The following CLTC variants were observed in gnomAD, a reference collection of about 807,000 sequenced individuals.
CLTC encodes the protein clathrin heavy chain, also known as clathrin heavy chain 1.
Under a neutral mutation model 195.8 loss-of-function variants are expected in CLTC, and 16 were observed. The observed-to-expected ratio is 0.08, with a 90% CI of 0.06 to 0.12. The LOEUF is 0.12. Among genes scored for constraint, CLTC ranks in the 10% least tolerant of loss-of-function variants. CLTC has a pLI of 1.00. For missense variants in CLTC, 796 were observed against 2,027.0 expected (o/e 0.39, Z 11.66); for synonymous variants, 667 against 689.4 (o/e 0.97, Z 0.51).
At chr17:59,670,676 T>A (rs1162790428) in intron 14 of CLTC, among the ~76,000 whole-genome samples, 3 of 152,206 alleles carry the variant, frequency 2.0e-5, no homozygotes, top group African/African-American at 7.2e-5. Flanking sequence ...TATATATATA[T>A]GGAAAGCAAA....
chr17:59,674,471 A>T (rs1176493323), intron 15 of CLTC, among the ~76,000 whole-genome samples: 1 of 151,948 alleles, frequency 6.6e-6, no homozygotes, highest in Non-Finnish European at 1.5e-5. Context: ...AGAATATAGT[A>T]TATGTGCTTT....
At chr17:59,653,437 C>T (rs1449816582) in intron 5 of CLTC, among the ~76,000 whole-genome samples, 1 of 152,000 alleles carries the variant, frequency 6.6e-6, no homozygotes, top group African/African-American at 2.4e-5. Context: ...TCGTGATCCA[C>T]CCACCTCGGC....
intron 1 of CLTC, among the ~76,000 whole-genome samples, chr17:59,627,636 G>A (rs1297721566): frequency 6.6e-6 from 1 of 151,994 alleles, no homozygotes; most frequent in Non-Finnish European, 1.5e-5. Context: ...GTAGGAGACA[G>A]CAAACTAACA....
intron 8 of CLTC, 98 bp downstream of exon 8, chr17:59,661,741 C>A: frequency 1.0e-6 from 1 of 968,284 alleles, no homozygotes; most frequent in Non-Finnish European, 1.6e-6. Flanking sequence ...GTCTCCATTA[C>A]TGCTGGTAGA....
In CLTC at chr17:59,693,943, G is replaced by A. The variant is rs1346734729; in HGVS notation, c.*91G>A. The A allele has an allele frequency of 2.2e-6, 3 of 1,336,570 alleles. No individual in the cohort carries two copies. The highest frequency in any genetic ancestry group is 2.7e-5 in the East Asian group (1 of 37,318). 82.8% of individuals were successfully genotyped at this position (1,336,570 alleles called of 1,614,324 possible). A position where few individuals can be genotyped will look rare whatever the true frequency, so the allele number is the denominator to read the frequency against. On this transcript the variant is annotated 3_prime_UTR_variant, in exon 32 of 32. Transcript: ENST00000269122. Reference sequence around the variant, plus strand: ...TTTATAATGGGGGAAAACAGGCAACGTGTTCTTGTAACCTTTATTTCATGA... The same window carrying A: ...TTTATAATGGGGGAAAACAGGCAACATGTTCTTGTAACCTTTATTTCATGA...
At chr17:59,692,635 A>G (rs183327286) in intron 31 of CLTC, among the ~76,000 whole-genome samples, 78 of 152,192 alleles carry the variant, frequency 5.1e-4, no homozygotes, top group African/African-American at 1.8e-3. Context: ...GAATGTCTGA[A>G]TATGTCTTTT....
chr17:59,643,135 GTGTGTGTGTGTGTGTGTGTGTGT>G (rs2032089258), intron 1 of CLTC, among the ~76,000 whole-genome samples: 7 of 138,626 alleles, frequency 5.0e-5, no homozygotes, highest in Admixed American at 2.1e-4. Context: ...TTTCTGGGGT[GTGTGTGTGTGTGTGTGTGTGTGT>G]GTGTGTGTGT....
chr17:59,638,527 T>G (rs1161187837), intron 1 of CLTC, among the ~76,000 whole-genome samples: 2 of 151,866 alleles, frequency 1.3e-5, no homozygotes, highest in Non-Finnish European at 2.9e-5. Flanking sequence ...AGGGACCAGT[T>G]TTGTGGAAGA....
intron 18 of CLTC, 119 bp downstream of exon 18, chr17:59,679,638 A>G (rs767691510): frequency 3.2e-5 from 27 of 855,276 alleles, no homozygotes; most frequent in Non-Finnish European, 4.2e-5. Flanking sequence ...AGAGAAAGCA[A>G]TACAAAGTAG....
intron 1 of CLTC, among the ~76,000 whole-genome samples, chr17:59,629,028 G>A (rs2031633119): frequency 6.6e-6 from 1 of 152,094 alleles, no homozygotes; most frequent in Non-Finnish European, 1.5e-5. Context: ...CACCAAAGTG[G>A]ACAGACTGAA....
intron 1 of CLTC, among the ~76,000 whole-genome samples, chr17:59,625,099 AG>A (rs1567923016): frequency 6.6e-6 from 1 of 151,734 alleles, no homozygotes; most frequent in Non-Finnish European, 1.5e-5. Context: ...TTCTAAATCT[AG>A]TGTGTGTGGT....
intron 5 of CLTC, 99 bp from the exon 6 acceptor site, chr17:59,655,755 C>G: frequency 1.0e-6 from 1 of 964,218 alleles, no homozygotes; most frequent in Non-Finnish European, 1.4e-6. Context: ...CCCTCTTGTT[C>G]TGGAATTTTA....
chr17:59,667,049 C>A, intron 13 of CLTC, 72 bp downstream of exon 13: 1 of 1,303,284 alleles, frequency 7.7e-7, no homozygotes, highest in Non-Finnish European at 1.1e-6. Flanking sequence ...TATGATCAGG[C>A]TGTTGGAAAT....
chr17:59,642,440 G>T (rs9303411), intron 1 of CLTC, among the ~76,000 whole-genome samples: 117,387 of 151,744 alleles, frequency 0.77, 46,398 homozygotes, highest in East Asian at 0.93. Flanking sequence ...GATTCTTACA[G>T]CATAACTTAC....
chr17:59,692,952 T>A (rs2033342292), intron 31 of CLTC, among the ~76,000 whole-genome samples: 1 of 152,196 alleles, frequency 6.6e-6, no homozygotes, highest in Admixed American at 6.5e-5. Flanking sequence ...TGTGTCTTAT[T>A]TTTAATTTAA....
chr17:59,687,312 T>A (rs2033205273), intron 30 of CLTC, among the ~76,000 whole-genome samples: 1 of 152,194 alleles, frequency 6.6e-6, no homozygotes, highest in African/African-American at 2.4e-5. Flanking sequence ...TGAGTTTCCA[T>A]ATTAATTTCA....
chr17:59,692,797 C>T (rs917038198), intron 31 of CLTC, among the ~76,000 whole-genome samples: 4 of 151,986 alleles, frequency 2.6e-5, no homozygotes, highest in African/African-American at 7.3e-5. Flanking sequence ...CCACCACGCC[C>T]GGCTAATTTT....
chr17:59,690,782 A>C, intron 31 of CLTC, 71 bp downstream of exon 31: 1 of 1,163,996 alleles, frequency 8.6e-7, no homozygotes, highest in Non-Finnish European at 1.3e-6. Flanking sequence ...GTGCCTCAAA[A>C]TAGAATACAA....
At chr17:59,641,627 AGAG>A (rs1171119146) in intron 1 of CLTC, among the ~76,000 whole-genome samples, 1 of 150,154 alleles carries the variant, frequency 6.7e-6, no homozygotes, top group Admixed American at 6.6e-5. Flanking sequence ...AAAAAAAAAA[AGAG>A]TTTGTCACTT....
Sources: gnomAD v4.1 joint callset for allele counts (sites outside exome capture counted in the v4.1 genomes callset) on GRCh38, gnomAD v4.1.1 for gene constraint, MANE v1.5 for transcripts, NCBI Gene and HGNC (gene_info 2026-07-23, HGNC 2026-07-21) for gene names.